The following TNKS variants were observed in gnomAD, a reference collection of about 807,000 sequenced individuals.
The protein encoded by TNKS is poly [ADP-ribose] polymerase tankyrase-1.
In TNKS, 72 loss-of-function variants were observed where a neutral mutation model predicts 135.8. The observed-to-expected ratio is 0.53, with a 90% confidence interval of 0.44 to 0.64. The LOEUF (loss-of-function observed/expected upper bound fraction) is 0.64. Among genes scored for constraint, TNKS ranks in the 30% least tolerant of loss-of-function variants. TNKS has a pLI of 0.00. For synonymous variants in TNKS, 849 were observed against 649.3 expected (o/e 1.31, Z -4.68); for missense variants, 1,769 against 1,674.0 (o/e 1.06, Z -0.99).
At chr8:9,608,373 C>T (rs539412705) in intron 2 of TNKS, among the ~76,000 whole-genome samples, 6 of 152,004 alleles carry the variant, frequency 3.9e-5, no homozygotes, top group African/African-American at 1.2e-4. Flanking sequence ...TGTTCTAGGT[C>T]ATGCTGCTTA....
At chr8:9,776,270 T>C (rs1180628406) in intron 26 of TNKS, among the ~76,000 whole-genome samples, 2 of 152,156 alleles carry the variant, frequency 1.3e-5, no homozygotes, top group Non-Finnish European at 2.9e-5. Flanking sequence ...TTCAGCAAAA[T>C]TTTTCTTTCA....
At chr8:9,670,579 C>T (rs1027267675) in intron 3 of TNKS, 4 of 152,076 alleles carry the variant, frequency 2.6e-5, no homozygotes, top group African/African-American at 9.7e-5. Flanking sequence ...TGGAGTCATT[C>T]CTCCTCTTTT....
At chr8:9,662,217 C>A (rs1428745471) in intron 3 of TNKS, among the ~76,000 whole-genome samples, 1 of 152,128 alleles carries the variant, frequency 6.6e-6, no homozygotes, top group Non-Finnish European at 1.5e-5. Flanking sequence ...ACTAGAAATA[C>A]CATTTGACGC....
chr8:9,748,443 C>T (rs1274081376), intron 18 of TNKS, among the ~76,000 whole-genome samples: 2 of 152,126 alleles, frequency 1.3e-5, no homozygotes, highest in East Asian at 1.9e-4. Context: ...GCTGGGAAAA[C>T]ATGGATCTTA....
rs765880179 is a variant in TNKS, at chr8:9,555,972, C to G, written c.33C>G (p.His11Gln). 3.7e-6 allele frequency: 6 copies of G among 1,613,484 alleles called. No individual in the cohort carries two copies. The East Asian group carries it at 1.1e-4, about 30-fold the overall frequency. The change falls in exon 1 of 27, where the codon CAC (histidine) becomes CAG (glutamine). Residue 11 changes from histidine to glutamine, a missense_variant. Coordinates refer to ENST00000310430, the MANE Select transcript of TNKS (RefSeq NM_003747.3). ...CGTCGCGTCGCTCTCAGCATCATCA[C>G]CACCATCATCAACAACAGCTCCAGC... Reference protein sequence around the residue: MAASRRSQHHHHHHQQQLQPA... With the variant: MAASRRSQHHQHHHQQQLQPA...
At chr8:9,676,642 A>G (rs1802548823) in intron 3 of TNKS, among the ~76,000 whole-genome samples, 1 of 151,888 alleles carries the variant, frequency 6.6e-6, no homozygotes, top group East Asian at 1.9e-4. Context: ...TTAATAACAT[A>G]GCTCTTTAAC....
chr8:9,748,968 T>C (rs1806382191), intron 18 of TNKS, among the ~76,000 whole-genome samples: 1 of 152,110 alleles, frequency 6.6e-6, no homozygotes, highest in South Asian at 2.1e-4. Context: ...GCCTCTCTAG[T>C]CCCATGTGGC....
chr8:9,575,036 T>A, intron 1 of TNKS: 4 of 985,356 alleles, frequency 4.1e-6, no homozygotes, highest in Non-Finnish European at 4.8e-6. Flanking sequence ...TATGTGTGCC[T>A]GGATTGCCTT....
At position 9,761,572 on chromosome 8, in the gene TNKS, C is replaced by T. The variant is rs1807149360; in HGVS notation, c.3210C>T (p.Ile1070=). The change falls in exon 21 of 27, where the codon ATC becomes ATT. Residue 1070 remains isoleucine (I), a synonymous_variant. Coordinates refer to ENST00000310430, the MANE Select transcript of TNKS (RefSeq NM_003747.3). ...ATGAAGAGTTGAAAGAAATAGGCAT[C>T]AATGCATATGGGCACCGCCACAAAT... ...MGHEELKEIG[I]NAYGHRHKLI... 1.2e-6 allele frequency: 2 copies of T among 1,610,660 alleles called. No homozygotes were observed. Among genetic ancestry groups the T allele is most frequent in the Middle Eastern group, 1.7e-4 (1 of 6,058 alleles).
At chr8:9,662,521 G>T (rs957822851) in intron 3 of TNKS, among the ~76,000 whole-genome samples, 1 of 152,048 alleles carries the variant, frequency 6.6e-6, no homozygotes, top group Non-Finnish European at 1.5e-5. Flanking sequence ...CGTATGTTCT[G>T]ACTCATAGGT....
At chr8:9,700,980 C>G (rs1272991785) in intron 5 of TNKS, among the ~76,000 whole-genome samples, 4 of 148,994 alleles carry the variant, frequency 2.7e-5, no homozygotes, top group Non-Finnish European at 5.9e-5. Flanking sequence ...GTCGCCCAGG[C>G]TGCAGTGCAG....
Position 9,761,509 on chromosome 8 carries a change from T to A in TNKS, c.3154-7T>A. On this transcript the variant is annotated splice_region_variant and splice_polypyrimidine_tract_variant and intron_variant, in intron 20 of 26. Transcript: ENST00000310430. Reference sequence around the variant, plus strand: ...GATATCCTAGCTAATTTTGTTTCATTTTTCAGATTACACTAGATGTGTTGG... The same window carrying A: ...GATATCCTAGCTAATTTTGTTTCATATTTCAGATTACACTAGATGTGTTGG... The A allele has an allele frequency of 6.2e-7, 1 of 1,612,342 alleles. No homozygotes were observed. The highest frequency in any genetic ancestry group is 8.5e-7 in the Non-Finnish European group (1 of 1,179,644).
At chr8:9,700,195 C>T (rs962652848) in intron 5 of TNKS, among the ~76,000 whole-genome samples, 14 of 152,136 alleles carry the variant, frequency 9.2e-5, no homozygotes, top group Non-Finnish European at 1.5e-5. Flanking sequence ...ATTGTATTGC[C>T]TGCTTTCTCT....
chr8:9,764,503 CT>C lies in TNKS; in HGVS notation c.3373-210del, dbSNP rs1807320808. Among the ~76,000 whole-genome samples, 3 of 152,162 alleles carry C rather than the reference CT, an allele frequency of 2.0e-5. No individual in the cohort carries two copies. In the South Asian group the frequency reaches 6.2e-4, roughly 32 times the overall value. On this transcript the variant is annotated intron_variant, in intron 22 of 26. Transcript: ENST00000310430. ...TTCCCCATTGTGTTTACAGAAAACT[CT>C]TTCAGAACTTTTATTTAAAAGTAAA...
chr8:9,626,670 G>C (rs978529307), intron 3 of TNKS, among the ~76,000 whole-genome samples: 8 of 152,088 alleles, frequency 5.3e-5, no homozygotes, highest in Non-Finnish European at 1.0e-4. Context: ...AGAATTGTGG[G>C]GGTTGGGGAA....
intron 2 of TNKS, among the ~76,000 whole-genome samples, chr8:9,588,450 G>A (rs1163032858): frequency 6.6e-6 from 1 of 152,078 alleles, no homozygotes; most frequent in African/African-American, 2.4e-5. Context: ...AATTTTTTAT[G>A]TATTTTTAGT....
At chr8:9,753,177 T>G (rs1047007987) in intron 20 of TNKS, among the ~76,000 whole-genome samples, 11 of 152,172 alleles carry the variant, frequency 7.2e-5, no homozygotes, top group Non-Finnish European at 1.2e-4. Flanking sequence ...TGTCAAAACT[T>G]AGACCATGCA....
intron 2 of TNKS, among the ~76,000 whole-genome samples, chr8:9,591,426 C>T (rs1479741928): frequency 6.6e-6 from 1 of 152,190 alleles, no homozygotes; most frequent in Non-Finnish European, 1.5e-5. Flanking sequence ...TTTTTCACTT[C>T]TCTTGGATGG....
At chr8:9,706,707 TGAACAA>T (rs1157796653) in intron 7 of TNKS, 98 bp from the exon 8 acceptor site, 23 of 1,102,474 alleles carry the variant, frequency 2.1e-5, no homozygotes, top group Non-Finnish European at 2.9e-5. Flanking sequence ...AACACTTATT[TGAACAA>T]GTTATAACTG....
Sources: allele counts gnomAD v4.1 joint callset (sites outside exome capture counted in the v4.1 genomes callset), GRCh38; gene constraint gnomAD v4.1.1; transcripts MANE v1.5; gene names NCBI Gene and HGNC (gene_info 2026-07-23, HGNC 2026-07-21).